Variants in CXCL13 observed in about 807,000 individuals in gnomAD.
The protein encoded by CXCL13 is C-X-C motif chemokine ligand 13, also known as C-X-C motif chemokine 13.
A neutral mutation model predicts 12.2 loss-of-function variants in CXCL13; 7 were observed. That is an observed-to-expected ratio of 0.57 (90% confidence interval 0.33 to 1.07). The LOEUF (loss-of-function observed/expected upper bound fraction) is 1.07, where lower values mean the gene tolerates loss of function less well. Among genes scored for constraint, CXCL13 ranks in the 50% least tolerant of loss-of-function variants. CXCL13 has a pLI of 0.04. For synonymous variants in CXCL13, 47 were observed against 42.4 expected, an observed-to-expected ratio of 1.11 and a Z score of -0.42; for missense variants, 113 against 127.4, an observed-to-expected ratio of 0.89 and a Z score of 0.55.
At chr4:77,533,809 C>A (rs1724989618) in intron 1 of CXCL13, among the ~76,000 whole-genome samples, 1 of 152,182 alleles carries the variant, frequency 6.6e-6, no homozygotes, top group Admixed American at 6.5e-5. Context: ...GAGCAAGGGC[C>A]CATGGGCATA....
upstream of CXCL13, among the ~76,000 whole-genome samples, chr4:77,601,333 C>T (rs1453814063): frequency 1.3e-5 from 2 of 152,086 alleles, no homozygotes; most frequent in Non-Finnish European, 2.9e-5. Flanking sequence ...CATCCAATTG[C>T]AGACACTGAA....
intron 1 of CXCL13, among the ~76,000 whole-genome samples, chr4:77,562,722 T>A (rs951998592): frequency 6.6e-6 from 1 of 152,050 alleles, no homozygotes; most frequent in Non-Finnish European, 1.5e-5. Context: ...TGTGTCTAGC[T>A]CAAGGTTTGT....
upstream of CXCL13, among the ~76,000 whole-genome samples, chr4:77,601,023 G>A (rs1349577412): frequency 6.6e-6 from 1 of 152,146 alleles, no homozygotes; most frequent in Non-Finnish European, 1.5e-5. Context: ...CCTGAGGACA[G>A]ACCTTTTCCT....
In CXCL13 at chr4:77,607,884, C is replaced by A. The variant is rs767744421; in HGVS notation, c.197+49C>A. Reference sequence around the variant, plus strand: ...TAAGATTTCCTTCTCCCAATGAAATCAGATCAAATGTTACCATACAGTAGT... The same window carrying A: ...TAAGATTTCCTTCTCCCAATGAAATAAGATCAAATGTTACCATACAGTAGT... On this transcript the variant is annotated intron_variant, in intron 2 of 3. Transcript: ENST00000682537. The A allele has an allele frequency of 3.2e-6, 5 of 1,574,038 alleles. No homozygotes were observed. In the African/African-American group the frequency reaches 4.1e-5, roughly 13 times the overall value.
chr4:77,566,407 C>G (rs1181817059), intron 1 of CXCL13, among the ~76,000 whole-genome samples: 2 of 152,152 alleles, frequency 1.3e-5, no homozygotes, highest in African/African-American at 4.8e-5. Flanking sequence ...ATTATAGGAA[C>G]TAGAAAAGAA....
chr4:77,584,761 C>T (rs1165213115), intron 1 of CXCL13, among the ~76,000 whole-genome samples: 2 of 152,170 alleles, frequency 1.3e-5, no homozygotes, highest in African/African-American at 2.4e-5. Flanking sequence ...CTGGAAAGTC[C>T]AGTCAAGGGC....
intron 1 of CXCL13, among the ~76,000 whole-genome samples, chr4:77,532,565 C>T (rs982053701): frequency 2.6e-5 from 4 of 152,144 alleles, no homozygotes; most frequent in East Asian, 1.9e-4. Flanking sequence ...TGGCGTTCTC[C>T]GTATTTCCTG....
intron 1 of CXCL13, among the ~76,000 whole-genome samples, chr4:77,585,487 C>G (rs1367149240): frequency 1.3e-5 from 2 of 152,318 alleles, no homozygotes; most frequent in South Asian, 2.1e-4. Context: ...TTTCTCATAA[C>G]ATGCACAAAA....
intron 1 of CXCL13, among the ~76,000 whole-genome samples, chr4:77,517,410 T>G (rs1724452445): frequency 6.6e-6 from 1 of 152,180 alleles, no homozygotes; most frequent in Non-Finnish European, 1.5e-5. Context: ...AGTGGGGTGT[T>G]AAAGTCTCCC....
At chr4:77,518,918 T>C (rs1232605587) in intron 1 of CXCL13, among the ~76,000 whole-genome samples, 2 of 152,164 alleles carry the variant, frequency 1.3e-5, no homozygotes, top group African/African-American at 4.8e-5. Context: ...CCCATCTTTG[T>C]GGTTTTATCT....
chr4:77,519,648 C>G, intron 1 of CXCL13, among the ~76,000 whole-genome samples: 1 of 152,108 alleles, frequency 6.6e-6, no homozygotes, highest in East Asian at 1.9e-4. Context: ...CAAAAGTTTT[C>G]TCCCATTCTG....
At chr4:77,532,149 C>G (rs992823648) in intron 1 of CXCL13, among the ~76,000 whole-genome samples, 35 of 152,156 alleles carry the variant, frequency 2.3e-4, no homozygotes, top group African/African-American at 8.4e-4. Flanking sequence ...CCTCAATGGT[C>G]TTTACAATTT....
chr4:77,587,573 A>G (rs1726504467), intron 1 of CXCL13, among the ~76,000 whole-genome samples: 2 of 152,250 alleles, frequency 1.3e-5, no homozygotes, highest in South Asian at 4.1e-4. Flanking sequence ...GATATTCATC[A>G]TGATTCAACT....
intron 1 of CXCL13, among the ~76,000 whole-genome samples, chr4:77,519,291 C>A (rs1358239976): frequency 6.6e-6 from 1 of 152,192 alleles, no homozygotes; most frequent in Admixed American, 6.5e-5. Context: ...TCTCCAGCTG[C>A]GTGCTGGGAG....
chr4:77,544,647 C>T (rs1287175961), intron 1 of CXCL13, among the ~76,000 whole-genome samples: 3 of 152,076 alleles, frequency 2.0e-5, no homozygotes, highest in South Asian at 2.1e-4. Flanking sequence ...TGGATATTAG[C>T]CCTTTGTCAG....
chr4:77,552,140 T>A (rs1725546748), intron 1 of CXCL13, among the ~76,000 whole-genome samples: 1 of 152,338 alleles, frequency 6.6e-6, no homozygotes, highest in Admixed American at 6.5e-5. Flanking sequence ...TACTTTGGTG[T>A]CACTACATTC....
At chr4:77,601,995 A>C (rs534428773), upstream of CXCL13, among the ~76,000 whole-genome samples, 1 of 152,232 alleles carries the variant, frequency 6.6e-6, no homozygotes, top group Non-Finnish European at 1.5e-5. Flanking sequence ...AGGTTAAAAC[A>C]TGTGTTAACA....
intron 1 of CXCL13, among the ~76,000 whole-genome samples, chr4:77,566,902 C>T (rs1048512750): frequency 6.6e-6 from 1 of 152,128 alleles, no homozygotes; most frequent in Non-Finnish European, 1.5e-5. Context: ...CCTCTGAGCC[C>T]AAGCTAAGCC....
intron 1 of CXCL13, among the ~76,000 whole-genome samples, chr4:77,573,925 A>G (rs1578060562): frequency 6.6e-6 from 1 of 151,950 alleles, no homozygotes; most frequent in South Asian, 2.1e-4. Context: ...ACCATGTGCC[A>G]TCTGTTTAGA....
Sources: allele counts gnomAD v4.1 joint callset (sites outside exome capture counted in the v4.1 genomes callset), GRCh38; gene constraint gnomAD v4.1.1; transcripts MANE v1.5; gene names NCBI Gene and HGNC (gene_info 2026-07-23, HGNC 2026-07-21).